Variants in FMN2 observed in about 807,000 individuals in gnomAD.
FMN2 encodes formin 2, also known as formin-2.
A neutral mutation model predicts 142.3 loss-of-function variants in FMN2; 51 were observed. The ratio of observed to expected loss-of-function variants is 0.36; its 90% CI spans 0.29 to 0.45. FMN2 has a LOEUF of 0.45. Among genes scored for constraint, FMN2 ranks in the 20% least tolerant of loss-of-function variants. The probability of loss-of-function intolerance (pLI) is 1.00; values close to 1 mark genes in which losing one functional copy is unlikely to be tolerated. For synonymous variants in FMN2, 882 were observed against 869.8 expected (o/e 1.01, Z -0.25); for missense variants, 1,936 against 2,122.8 (o/e 0.91, Z 1.73).
intron 7 of FMN2, among the ~76,000 whole-genome samples, chr1:240,265,913 G>GTTTTTTTTTTT (rs1352056925): frequency 9.8e-6 from 1 of 102,308 alleles, no homozygotes; most frequent in Non-Finnish European, 1.9e-5. Context: ...ACTTAAAGGG[G>GTTTTTTTTTTT]TTTGTTTTTT....
At chr1:240,199,335 T>G (rs1474103058) in intron 4 of FMN2, among the ~76,000 whole-genome samples, 1 of 152,204 alleles carries the variant, frequency 6.6e-6, no homozygotes, top group Non-Finnish European at 1.5e-5. Flanking sequence ...TAAGCAGCTT[T>G]TAAATTCTAG....
At chr1:240,159,937 G>GTATATATATATATA (rs35292759) in intron 2 of FMN2, among the ~76,000 whole-genome samples, 8 of 71,264 alleles carry the variant, frequency 1.1e-4, no homozygotes, top group Non-Finnish European at 1.9e-4. Flanking sequence ...ATATATTTGT[G>GTATATATATATATA]TATATATATA....
chr1:240,228,351 G>GAA (rs1558380626), intron 6 of FMN2, among the ~76,000 whole-genome samples: 1 of 44,024 alleles, frequency 2.3e-5, no homozygotes, highest in African/African-American at 1.4e-4. Context: ...AAAAGAAAAA[G>GAA]AAAGAAAAAA....
intron 15 of FMN2, among the ~76,000 whole-genome samples, chr1:240,412,051 C>T (rs1000746819): frequency 6.6e-5 from 10 of 151,908 alleles, no homozygotes; most frequent in African/African-American, 9.7e-5. Context: ...GGCCTAAGAC[C>T]GAAGCCATGA....
intron 6 of FMN2, among the ~76,000 whole-genome samples, chr1:240,212,207 C>T (rs763797037): frequency 2.6e-5 from 4 of 152,132 alleles, no homozygotes; most frequent in Non-Finnish European, 5.9e-5. Flanking sequence ...AGGCACATGA[C>T]CTGGAGTTGT....
intron 1 of FMN2, among the ~76,000 whole-genome samples, chr1:240,103,058 G>A (rs986515002): frequency 2.6e-5 from 4 of 151,834 alleles, no homozygotes; most frequent in Non-Finnish European, 5.9e-5. Context: ...TAGAGACGGG[G>A]TTTCACCATG....
In FMN2 at chr1:240,334,148, C is replaced by A. The variant is rs754484751; in HGVS notation, c.4684C>A (p.Pro1562Thr). 3.1e-6 allele frequency: 5 copies of A among 1,608,966 alleles called. No homozygotes were observed. The East Asian group carries it at 8.9e-5, about 29-fold the overall frequency. Residue 1562 changes from proline (P) to threonine (T), a missense_variant, in exon 13 of 18, where the codon CCC (proline) becomes ACC (threonine). Transcript: ENST00000319653. ...KEQCLFPLPE[P>T]QDLFQASQMK... ...ACAGTGCCTCTTTCCACTGCCAGAA[C>A]CCCAGGACCTTTTTCAGGCCTCACA... is the stretch of plus-strand genomic sequence containing the variant.
chr1:240,232,592 T>A (rs1667565684), intron 6 of FMN2, among the ~76,000 whole-genome samples: 1 of 152,220 alleles, frequency 6.6e-6, no homozygotes, highest in Admixed American at 6.5e-5. Context: ...CATGTTGAGA[T>A]ACAATTAGCA....
chr1:240,215,889 A>G (rs1177434114), intron 6 of FMN2, among the ~76,000 whole-genome samples: 1 of 151,926 alleles, frequency 6.6e-6, no homozygotes, highest in African/African-American at 2.4e-5. Context: ...TTGTATTTTT[A>G]GTAGAGACGT....
intron 4 of FMN2, among the ~76,000 whole-genome samples, chr1:240,190,470 A>C (rs1323118128): frequency 6.6e-6 from 1 of 152,192 alleles, no homozygotes; most frequent in Non-Finnish European, 1.5e-5. Context: ...GAAAACTCAA[A>C]TTAATTGTCA....
At chr1:240,322,463 C>T (rs1271478848) in intron 8 of FMN2, among the ~76,000 whole-genome samples, 1 of 152,154 alleles carries the variant, frequency 6.6e-6, no homozygotes, top group Non-Finnish European at 1.5e-5. Context: ...TGCCAACACT[C>T]AGGCTTTGCT....
rs1318719564 is a variant in FMN2, at chr1:240,207,098, G to C, written c.2286G>C (p.Gly762=). ...GGVLTLPPVD[G]LPGRPPCPPG... The stretch of plus-strand genomic sequence containing the variant: ...TGCTGACACTGCCTCCTGTGGATGG[G>C]CTGCCAGGGCGTCCTCCATGCCCCC... The change falls in exon 5 of 18, where the codon GGG becomes GGC. Residue 762 remains glycine, a synonymous_variant. Coordinates refer to ENST00000319653, the MANE Select transcript of FMN2 (RefSeq NM_020066.5). 5 of 1,613,952 alleles carry C rather than the reference G, an allele frequency of 3.1e-6. No homozygotes were observed. Among genetic ancestry groups the C allele is most frequent in the Admixed American group, 1.7e-5 (1 of 59,992 alleles).
rs11384026 is a variant in FMN2 at position 240,380,715 on chromosome 1, TA to T, written c.4859-11782del. Reference sequence around the variant, plus strand: ...TGAACAAACCAAACTCAAAACTAGTTAAAAAAAAAAAAAAGAAATGGCAAAG... The same window carrying T: ...TGAACAAACCAAACTCAAAACTAGTTAAAAAAAAAAAAAGAAATGGCAAAG... On this transcript the variant is annotated intron_variant, in intron 14 of 17. Coordinates refer to ENST00000319653, the MANE Select transcript of FMN2 (RefSeq NM_020066.5). Among the ~76,000 whole-genome samples the T allele has an allele frequency of 5.2e-3, 661 of 127,686 alleles. 12 individuals are homozygous for T. The highest frequency in any genetic ancestry group is 0.015 in the African/African-American group (504 of 33,874). 83.8% of individuals were successfully genotyped at this position (127,686 alleles called of 152,430 possible).
intron 14 of FMN2, among the ~76,000 whole-genome samples, chr1:240,365,393 C>T (rs1241852346): frequency 6.6e-6 from 1 of 151,696 alleles, no homozygotes; most frequent in Non-Finnish European, 1.5e-5. Flanking sequence ...CTGCCTTTTG[C>T]CTTTTCATTT....
At position 240,321,437 on chromosome 1, in the gene FMN2, A is replaced by G. The variant is rs183836818; in HGVS notation, c.4216-7639A>G. On this transcript the variant is annotated intron_variant, in intron 8 of 17. Coordinates refer to ENST00000319653, the MANE Select transcript of FMN2 (RefSeq NM_020066.5). The stretch of plus-strand genomic sequence containing the variant: ...ATGGTATTTTTAAAGAATTGACTTT[A>G]TTTTTAGTAATCCAAAATGACATAT... Among the ~76,000 whole-genome samples, 3 of 152,336 alleles carry G rather than the reference A, an allele frequency of 2.0e-5. No individual in the cohort carries two copies. In the East Asian group the frequency reaches 5.8e-4, roughly 29 times the overall value.
intron 2 of FMN2, chr1:240,144,725 TC>T (rs1403616482): frequency 1.7e-5 from 22 of 1,315,748 alleles, no homozygotes; most frequent in Non-Finnish European, 2.1e-5. Flanking sequence ...AATGTCCTTC[TC>T]CAGCATGTCC....
In FMN2 at chr1:240,147,110, C is replaced by T. The variant is rs373319010; in HGVS notation, c.1782+23765C>T. Among the ~76,000 whole-genome samples, 6 of 152,052 alleles carry T rather than the reference C, an allele frequency of 3.9e-5. No homozygotes were observed. The East Asian group carries it at 9.6e-4, about 24-fold the overall frequency. On this transcript the variant is annotated intron_variant, in intron 2 of 17. Coordinates refer to ENST00000319653, the MANE Select transcript of FMN2 (RefSeq NM_020066.5). ...GGCTTTTTTTTCTTGTTTCTTCATG[C>T]CATGCCATTCAGTACTGACTGAGGG...
intron 6 of FMN2, among the ~76,000 whole-genome samples, chr1:240,221,042 C>T (rs11587844): frequency 0.17 from 25,948 of 152,074 alleles, 2,481 homozygotes; most frequent in Middle Eastern, 0.31. Flanking sequence ...GCAAAGGACA[C>T]GAACTCATCC....
At chr1:240,202,630 T>G (rs1158500416) in intron 4 of FMN2, among the ~76,000 whole-genome samples, 2 of 152,128 alleles carry the variant, frequency 1.3e-5, no homozygotes, top group East Asian at 3.9e-4. Context: ...ACCTGGCTAT[T>G]TATTTTCCAT....
Sources: gnomAD v4.1 joint callset for allele counts (sites outside exome capture counted in the v4.1 genomes callset) on GRCh38, gnomAD v4.1.1 for gene constraint, MANE v1.5 for transcripts, NCBI Gene and HGNC (gene_info 2026-07-23, HGNC 2026-07-21) for gene names.